The following DEPTOR variants were observed in gnomAD, a reference collection of about 807,000 sequenced individuals.
The protein encoded by DEPTOR is DEP domain-containing mTOR-interacting protein.
In DEPTOR, 41 loss-of-function variants were observed where a neutral mutation model predicts 41.6. The ratio of observed to expected loss-of-function variants is 0.98; its 90% CI spans 0.77 to 1.28. The LOEUF is 1.28. DEPTOR is among the 50% of genes most tolerant of loss of function. The pLI, the probability that DEPTOR is intolerant of heterozygous loss-of-function variation, is 0.00. For synonymous variants in DEPTOR, 195 were observed against 192.3 expected (o/e 1.01, Z -0.12); for missense variants, 514 against 527.9 (o/e 0.97, Z 0.26).
rs757210251 is a variant in DEPTOR at position 119,928,561 on chromosome 8, G to C, written c.284G>C (p.Arg95Pro). Reference sequence around the variant, plus strand: ...AAACTCATGCAGAAATTAGCAGACCGGGGCATTATTCACCATGGTGAGTGC... The same window carrying C: ...AAACTCATGCAGAAATTAGCAGACCCGGGCATTATTCACCATGGTGAGTGC... The part of the protein sequence containing the change: ...AIKLMQKLAD[R>P]GIIHHVCDEH... The change falls in exon 2 of 9, where the codon CGG (arginine) becomes CCG (proline). Residue 95 changes from arginine to proline, a missense_variant. Physicochemically the swap from Arg to Pro is moderately radical, Grantham distance 103 (BLOSUM62 -2). Coordinates refer to ENST00000286234, the MANE Select transcript of DEPTOR (RefSeq NM_022783.4). The C allele has an allele frequency of 6.2e-7, 1 of 1,613,942 alleles. No individual in the cohort carries two copies. The highest frequency in any genetic ancestry group is 8.5e-7 in the Non-Finnish European group (1 of 1,179,884).
chr8:119,891,902 C>T (rs1212613948), intron 1 of DEPTOR, among the ~76,000 whole-genome samples: 1 of 152,232 alleles, frequency 6.6e-6, no homozygotes, highest in Non-Finnish European at 1.5e-5. Context: ...ACTTGCATAA[C>T]TCAACTGAGT....
At chr8:119,967,328 C>A (rs1471517568) in intron 4 of DEPTOR, among the ~76,000 whole-genome samples, 1 of 151,034 alleles carries the variant, frequency 6.6e-6, no homozygotes, top group Non-Finnish European at 1.5e-5. Flanking sequence ...GATCCATCTG[C>A]CTCAGCCTTC....
chr8:119,979,848 C>T (rs1467172971), intron 4 of DEPTOR, among the ~76,000 whole-genome samples: 1 of 152,134 alleles, frequency 6.6e-6, no homozygotes, highest in Non-Finnish European at 1.5e-5. Context: ...AAATCATAAC[C>T]TCAATGGGGG....
At chr8:119,986,983 T>A (rs998821006) in intron 4 of DEPTOR, among the ~76,000 whole-genome samples, 2 of 152,022 alleles carry the variant, frequency 1.3e-5, no homozygotes, top group Non-Finnish European at 2.9e-5. Context: ...ACATGCTCTG[T>A]TAGCTCAGAG....
chr8:119,884,190 T>C (rs1459317053), intron 1 of DEPTOR, among the ~76,000 whole-genome samples: 3 of 152,172 alleles, frequency 2.0e-5, no homozygotes, highest in African/African-American at 4.8e-5. Context: ...CCCCAGTAGC[T>C]GGGACTACAG....
At chr8:120,046,522 A>C (rs185051054) in intron 8 of DEPTOR, among the ~76,000 whole-genome samples, 101 of 152,264 alleles carry the variant, frequency 6.6e-4, no homozygotes, top group African/African-American at 2.0e-3. Flanking sequence ...ATGTTGTAGC[A>C]TGTTGTATGT....
At position 120,049,608 on chromosome 8, in the gene DEPTOR, C is replaced by T; in HGVS notation, c.1134C>T (p.Leu378=). 6.2e-7 allele frequency: 1 copy of T among 1,613,866 alleles called. No homozygotes were observed. Among genetic ancestry groups the T allele is most frequent in the Non-Finnish European group, 8.5e-7 (1 of 1,179,870 alleles). ...AGTTTGTCGTCTCTGTCAACGGGCT[C>T]AATGTCCTGCATGTAGACTACCGGA... ...VCQFVVSVNG[L]NVLHVDYRTV... Residue 378 remains leucine, a synonymous_variant, in exon 9 of 9, where the codon CTC becomes CTT. Transcript: ENST00000286234.
intron 4 of DEPTOR, among the ~76,000 whole-genome samples, chr8:119,996,401 T>C (rs1462334975): frequency 1.3e-5 from 2 of 152,230 alleles, no homozygotes; most frequent in Non-Finnish European, 2.9e-5. Flanking sequence ...TGAACACTTA[T>C]AGTTGACTAT....
intron 3 of DEPTOR, among the ~76,000 whole-genome samples, chr8:119,963,113 T>C (rs1381462373): frequency 6.6e-6 from 1 of 152,060 alleles, no homozygotes; most frequent in Non-Finnish European, 1.5e-5. Flanking sequence ...GGAATGTGGA[T>C]AGTAATCGAA....
At chr8:119,969,801 GA>G (rs1269587089) in intron 4 of DEPTOR, 1 of 152,188 alleles carries the variant, frequency 6.6e-6, no homozygotes, top group Non-Finnish European at 1.5e-5. Context: ...TTGGAGTTAT[GA>G]AAATATGGCT....
chr8:119,934,127 C>T (rs762058957), intron 3 of DEPTOR, among the ~76,000 whole-genome samples: 3 of 152,122 alleles, frequency 2.0e-5, no homozygotes, highest in African/African-American at 4.8e-5. Flanking sequence ...GTGATCTGTC[C>T]GCCTCGGACT....
intron 1 of DEPTOR, 88 bp from the exon 2 acceptor site, chr8:119,928,312 C>T: frequency 7.1e-7 from 1 of 1,408,124 alleles, no homozygotes. Context: ...GCCTTTAGAA[C>T]TTCTGTTATG....
At chr8:119,913,015 G>C (rs1173856537) in intron 1 of DEPTOR, among the ~76,000 whole-genome samples, 94 of 152,058 alleles carry the variant, frequency 6.2e-4, no homozygotes, top group Non-Finnish European at 8.8e-5. Context: ...CCACCTCCTG[G>C]GTTCAAGAGA....
intron 1 of DEPTOR, among the ~76,000 whole-genome samples, chr8:119,927,549 G>A (rs1827978025): frequency 6.7e-6 from 1 of 148,848 alleles, no homozygotes; most frequent in South Asian, 2.1e-4. Flanking sequence ...TTGGCTAGTA[G>A]TAGCTCAAGA....
At chr8:119,916,045 A>C (rs1827808359) in intron 1 of DEPTOR, among the ~76,000 whole-genome samples, 1 of 151,428 alleles carries the variant, frequency 6.6e-6, no homozygotes, top group Non-Finnish European at 1.5e-5. Flanking sequence ...CAATAACCCT[A>C]TGAGACATTC....
chr8:120,011,335 A>G (rs1812528949), intron 8 of DEPTOR, among the ~76,000 whole-genome samples: 1 of 152,170 alleles, frequency 6.6e-6, no homozygotes, highest in Admixed American at 6.5e-5. Context: ...CTGCTTGCGA[A>G]GGCGGTGCAT....
At chr8:119,953,131 CTT>C (rs1828374595) in intron 3 of DEPTOR, among the ~76,000 whole-genome samples, 1 of 152,138 alleles carries the variant, frequency 6.6e-6, no homozygotes, top group African/African-American at 2.4e-5. Flanking sequence ...CAAGGGAAAA[CTT>C]TCCCTTTCTT....
intron 8 of DEPTOR, among the ~76,000 whole-genome samples, chr8:120,021,701 G>A (rs1330806600): frequency 6.6e-6 from 1 of 152,082 alleles, no homozygotes; most frequent in Non-Finnish European, 1.5e-5. Context: ...ACTAAGTCTA[G>A]GTTTCTCATT....
At chr8:119,884,029 C>T (rs1827332787) in intron 1 of DEPTOR, among the ~76,000 whole-genome samples, 1 of 152,226 alleles carries the variant, frequency 6.6e-6, no homozygotes, top group Non-Finnish European at 1.5e-5. Flanking sequence ...TAGCCATTCT[C>T]TCATTGCATG....
Sources: allele counts gnomAD v4.1 joint callset (sites outside exome capture counted in the v4.1 genomes callset), GRCh38; gene constraint gnomAD v4.1.1; transcripts MANE v1.5; gene names NCBI Gene and HGNC (gene_info 2026-07-23, HGNC 2026-07-21).